EML4: variants seen among roughly 807,000 people sequenced by gnomAD.
The protein encoded by EML4 is echinoderm microtubule-associated protein-like 4.
A neutral mutation model predicts 129.0 loss-of-function variants in EML4; 72 were observed. The ratio of observed to expected loss-of-function variants is 0.56; its 90% CI spans 0.46 to 0.68. The LOEUF is 0.68. Ranked by LOEUF, EML4 falls within the 30% of genes least tolerant of loss-of-function variation. EML4 has a pLI of 0.00. For missense variants in EML4, 1,363 were observed against 1,190.6 expected (o/e 1.14, Z -2.13); for synonymous variants, 532 against 405.0 (o/e 1.31, Z -3.77).
chr2:42,201,468 G>A (rs961461894), intron 1 of EML4, among the ~76,000 whole-genome samples: 7 of 152,150 alleles, frequency 4.6e-5, no homozygotes, highest in Admixed American at 6.5e-5. Flanking sequence ...AAAGTATAAC[G>A]CTTTCTGTGA....
Position 42,330,337 on chromosome 2 carries a change from T to G in EML4, c.*130T>G, listed in dbSNP as rs1372221364. 2 of 807,460 alleles carry G rather than the reference T, an allele frequency of 2.5e-6. No individual in the cohort carries two copies. The highest frequency in any genetic ancestry group is 3.4e-5 in the African/African-American group (2 of 59,230). 50.0% of individuals were successfully genotyped at this position (807,460 alleles called of 1,614,324 possible). ...TTTGGTTTCCATGTGATTTGTTTTC[T>G]TCAATAGTCTTATTTTCAGTCTCTC... is the stretch of plus-strand genomic sequence containing the variant. On this transcript the variant is annotated 3_prime_UTR_variant, in exon 23 of 23. Coordinates refer to ENST00000318522, the MANE Select transcript of EML4 (RefSeq NM_019063.5).
chr2:42,260,105 T>G (rs903383461), intron 3 of EML4, among the ~76,000 whole-genome samples: 1 of 151,704 alleles, frequency 6.6e-6, no homozygotes, highest in Non-Finnish European at 1.5e-5. Context: ...GCTCAAGTAA[T>G]CCTCCTGCCT....
At chr2:42,240,053 T>G (rs1674921002) in intron 1 of EML4, among the ~76,000 whole-genome samples, 1 of 152,334 alleles carries the variant, frequency 6.6e-6, no homozygotes, top group Middle Eastern at 3.4e-3. Flanking sequence ...AGTCTTAGTT[T>G]ACTTATTTAT....
At chr2:42,175,690 G>C (rs1670560381) in intron 1 of EML4, among the ~76,000 whole-genome samples, 1 of 151,956 alleles carries the variant, frequency 6.6e-6, no homozygotes, top group Non-Finnish European at 1.5e-5. Flanking sequence ...ATAGAGAAGA[G>C]GTTTTGCCAT....
intron 9 of EML4, 105 bp from the exon 10 acceptor site, chr2:42,286,164 G>A: frequency 1.3e-6 from 1 of 748,106 alleles, no homozygotes; most frequent in South Asian, 1.4e-5. Context: ...TTTATTAGAA[G>A]CTTATCCATC....
At chr2:42,234,080 T>A (rs1470420676) in intron 1 of EML4, among the ~76,000 whole-genome samples, 1 of 152,258 alleles carries the variant, frequency 6.6e-6, no homozygotes, top group African/African-American at 2.4e-5. Context: ...GCAGCCCAGG[T>A]TTTTTGTCTG....
intron 1 of EML4, among the ~76,000 whole-genome samples, chr2:42,211,030 T>A (rs778587889): frequency 1.8e-4 from 28 of 152,234 alleles, no homozygotes; most frequent in Admixed American, 8.5e-4. Flanking sequence ...TGTAATCTTC[T>A]GTCTCTTACA....
intron 18 of EML4, among the ~76,000 whole-genome samples, chr2:42,317,182 C>T (rs1669288344): frequency 6.6e-6 from 1 of 152,166 alleles, no homozygotes; most frequent in South Asian, 2.1e-4. Flanking sequence ...ACCTCTGGAG[C>T]CGGTTTTCAA....
chr2:42,300,411 C>A (rs1037051696), intron 13 of EML4, among the ~76,000 whole-genome samples: 1 of 152,216 alleles, frequency 6.6e-6, no homozygotes, highest in Admixed American at 6.5e-5. Flanking sequence ...TAAAAAACCA[C>A]ATGTGTTTGC....
chr2:42,281,126 G>C (rs1168972443), intron 7 of EML4, among the ~76,000 whole-genome samples, 153 bp downstream of exon 7: 3 of 152,066 alleles, frequency 2.0e-5, no homozygotes, highest in African/African-American at 7.2e-5. Flanking sequence ...AGGCGCGGTG[G>C]TTCACGCTGG....
intron 1 of EML4, among the ~76,000 whole-genome samples, chr2:42,234,575 T>C (rs1440544534): frequency 6.6e-6 from 1 of 152,146 alleles, no homozygotes; most frequent in Non-Finnish European, 1.5e-5. Flanking sequence ...TTAGCCCCCT[T>C]CTCCCTGTAA....
chr2:42,285,130 A>T (rs937061414), intron 9 of EML4, among the ~76,000 whole-genome samples: 3 of 151,972 alleles, frequency 2.0e-5, no homozygotes, highest in Non-Finnish European at 4.4e-5. Flanking sequence ...GCTGGGCTCA[A>T]ACTCCTGGGC....
intron 1 of EML4, among the ~76,000 whole-genome samples, chr2:42,201,061 G>C (rs532461540): frequency 2.6e-5 from 4 of 152,240 alleles, no homozygotes; most frequent in Admixed American, 6.5e-5. Flanking sequence ...TTAAGTGAAG[G>C]ATACCTGTAT....
chr2:42,286,876 G>A (rs569493058), intron 10 of EML4, among the ~76,000 whole-genome samples: 2 of 152,256 alleles, frequency 1.3e-5, no homozygotes, highest in Admixed American at 6.5e-5. Context: ...GTTTTGAATT[G>A]ATGACAACAT....
rs569980785 is a variant in EML4 at position 42,169,734 on chromosome 2, G to A, written c.25+98G>A. The A allele has an allele frequency of 1.1e-4, 156 of 1,404,386 alleles. 1 individual carries two copies. The South Asian group carries it at 1.7e-3, about 15-fold the overall frequency. 87.0% of individuals were successfully genotyped at this position (1,404,386 alleles called of 1,614,324 possible). ...CCCTGCCCTCCCGCCTGCCCCTCGG[G>A]GTGGCAGCGGCTCCACTGCACATGT... On this transcript the variant is annotated intron_variant, in intron 1 of 22. Transcript: ENST00000318522.
intron 1 of EML4, among the ~76,000 whole-genome samples, chr2:42,217,619 A>G (rs887845768): frequency 3.9e-5 from 6 of 152,108 alleles, no homozygotes; most frequent in African/African-American, 1.4e-4. Context: ...CATGAAAAAG[A>G]TGCTTTCTGA....
At chr2:42,322,143 T>C (rs1222275844) in intron 19 of EML4, among the ~76,000 whole-genome samples, 2 of 152,244 alleles carry the variant, frequency 1.3e-5, no homozygotes, top group African/African-American at 4.8e-5. Flanking sequence ...CAGATTTATG[T>C]TTTTATGAAG....
chr2:42,244,598 G>T (rs868369261), intron 1 of EML4, among the ~76,000 whole-genome samples: 1 of 152,074 alleles, frequency 6.6e-6, no homozygotes, highest in Non-Finnish European at 1.5e-5. Context: ...TTTAAGAGAG[G>T]TTGTGGTGTT....
chr2:42,326,129 A>G (rs780774192), intron 20 of EML4, 25 bp from the exon 21 acceptor site: 1 of 1,611,120 alleles, frequency 6.2e-7, no homozygotes, highest in Non-Finnish European at 8.5e-7. Context: ...CACTATGATT[A>G]TACTTCCTGT....
Sources: gnomAD v4.1 joint callset for allele counts (sites outside exome capture counted in the v4.1 genomes callset) on GRCh38, gnomAD v4.1.1 for gene constraint, MANE v1.5 for transcripts, NCBI Gene and HGNC (gene_info 2026-07-23, HGNC 2026-07-21) for gene names.